The following WWOX variants were observed in gnomAD, a reference collection of about 807,000 sequenced individuals.
The protein encoded by WWOX is WW domain-containing oxidoreductase.
A neutral mutation model predicts 46.2 loss-of-function variants in WWOX; 69 were observed. That is an observed-to-expected ratio of 1.49 (90% CI 1.23 to 1.82). WWOX has a LOEUF of 1.82. WWOX is among the 40% of genes most tolerant of loss of function. The pLI is 0.00. For synonymous variants in WWOX, 359 were observed against 202.6 expected, an observed-to-expected ratio of 1.77 and a Z score of -6.56; for missense variants, 919 against 542.6, an observed-to-expected ratio of 1.69 and a Z score of -6.89.
At chr16:79,075,091 C>T (rs1041688891) in intron 8 of WWOX, among the ~76,000 whole-genome samples, 6 of 152,084 alleles carry the variant, frequency 3.9e-5, no homozygotes, top group Non-Finnish European at 8.8e-5. Context: ...GTTTGGAATT[C>T]ACTACAACAC....
chr16:78,510,411 G>C lies in WWOX; in HGVS notation c.1056+77659G>C, dbSNP rs898066727. On this transcript the variant is annotated intron_variant, in intron 8 of 8. Transcript: ENST00000566780. ...AGTAGAGATGGAGTTTCACCCTTTTGATTGGTTGGCCAGTATGGTCTCAAA... is the reference window on the plus strand; with the variant it reads ...AGTAGAGATGGAGTTTCACCCTTTTCATTGGTTGGCCAGTATGGTCTCAAA... Among the ~76,000 whole-genome samples the C allele has an allele frequency of 1.8e-4, 27 of 152,170 alleles. No homozygotes were observed. In the East Asian group the frequency reaches 2.1e-3, roughly 12 times the overall value.
chr16:79,040,474 C>G (rs2047949930), intron 8 of WWOX, among the ~76,000 whole-genome samples: 1 of 152,008 alleles, frequency 6.6e-6, no homozygotes, highest in African/African-American at 2.4e-5. Context: ...CAAGCCTTCA[C>G]TATGTTGCCC....
At chr16:78,614,833 G>C (rs559823178) in intron 8 of WWOX, among the ~76,000 whole-genome samples, 7 of 152,192 alleles carry the variant, frequency 4.6e-5, no homozygotes, top group Non-Finnish European at 1.0e-4. Flanking sequence ...TGTGCAGAAC[G>C]TGCAGGCTTG....
At chr16:78,326,976 G>T (rs1165291086) in intron 5 of WWOX, among the ~76,000 whole-genome samples, 1 of 152,090 alleles carries the variant, frequency 6.6e-6, no homozygotes, top group East Asian at 1.9e-4. Context: ...TTTTTCTGAA[G>T]TTCCCCAGAG....
At chr16:78,563,789 C>T (rs747689822) in intron 8 of WWOX, among the ~76,000 whole-genome samples, 2 of 152,114 alleles carry the variant, frequency 1.3e-5, no homozygotes, top group African/African-American at 2.4e-5. Flanking sequence ...GTAAAAATGG[C>T]CACCAATTCT....
intron 8 of WWOX, among the ~76,000 whole-genome samples, chr16:78,904,425 G>C (rs933646575): frequency 9.9e-5 from 15 of 151,892 alleles, no homozygotes; most frequent in African/African-American, 3.6e-4. Flanking sequence ...TTTTAGTAGA[G>C]ATGGGGTTTC....
At chr16:78,614,556 A>T (rs2045976359) in intron 8 of WWOX, among the ~76,000 whole-genome samples, 1 of 152,044 alleles carries the variant, frequency 6.6e-6, no homozygotes, top group Non-Finnish European at 1.5e-5. Context: ...CAGATTGAAC[A>T]CCTGTTGATG....
At chr16:78,983,047 G>C (rs1374367909) in intron 8 of WWOX, among the ~76,000 whole-genome samples, 2 of 152,076 alleles carry the variant, frequency 1.3e-5, no homozygotes, top group African/African-American at 4.8e-5. Flanking sequence ...ATTTATTGTG[G>C]GTCTCCTGTA....
intron 8 of WWOX, among the ~76,000 whole-genome samples, chr16:78,802,570 A>G: frequency 6.6e-6 from 1 of 152,054 alleles, no homozygotes; most frequent in Non-Finnish European, 1.5e-5. Context: ...TTTGTCCTTA[A>G]CAACTAATTA....
intron 8 of WWOX, among the ~76,000 whole-genome samples, chr16:78,807,905 T>G (rs1344248604): frequency 6.6e-6 from 1 of 152,258 alleles, no homozygotes; most frequent in African/African-American, 2.4e-5. Flanking sequence ...TACATGTACC[T>G]AACACATTGG....
intron 6 of WWOX, among the ~76,000 whole-genome samples, chr16:78,422,224 C>T (rs1000774865): frequency 1.3e-5 from 2 of 152,020 alleles, no homozygotes; most frequent in African/African-American, 4.8e-5. Context: ...TGCATATATT[C>T]GTCACTTTTG....
intron 5 of WWOX, among the ~76,000 whole-genome samples, chr16:78,292,611 C>T (rs995684386): frequency 6.6e-6 from 1 of 151,588 alleles, no homozygotes; most frequent in African/African-American, 2.4e-5. Context: ...AGATTATGTT[C>T]TATATCTTTT....
intron 8 of WWOX, among the ~76,000 whole-genome samples, chr16:78,747,358 A>T (rs1468351801): frequency 6.6e-6 from 1 of 151,740 alleles, no homozygotes; most frequent in East Asian, 1.9e-4. Context: ...CACCTGTCTA[A>T]TTTCTTATCT....
chr16:78,365,983 CTT>C (rs2081528097), intron 5 of WWOX, among the ~76,000 whole-genome samples: 1 of 152,156 alleles, frequency 6.6e-6, no homozygotes, highest in African/African-American at 2.4e-5. Context: ...CAAGATGGGG[CTT>C]GTGATTTGAA....
At chr16:78,103,247 T>TG (rs1273449258) in intron 1 of WWOX, among the ~76,000 whole-genome samples, 2 of 51,802 alleles carry the variant, frequency 3.9e-5, no homozygotes, top group African/African-American at 8.2e-5. Context: ...CCGCTGTTTT[T>TG]TTTTTTTTTT....
intron 8 of WWOX, chr16:79,077,787 G>C (rs1470566564): frequency 6.6e-6 from 1 of 152,030 alleles, no homozygotes; most frequent in Non-Finnish European, 1.5e-5. Context: ...ATCTTTGAAA[G>C]AAAATTCAAA....
chr16:78,445,313 A>G lies in WWOX; in HGVS notation c.1056+12561A>G, dbSNP rs565215331. ...CTAGAAGAAGGGCGCTCACCTCAGT[A>G]AATTGATGGGTGGGCCACAAAAATC... On this transcript the variant is annotated intron_variant, in intron 8 of 8. Coordinates refer to ENST00000566780, the MANE Select transcript of WWOX (RefSeq NM_016373.4). Among the ~76,000 whole-genome samples the G allele has an allele frequency of 2.6e-5, 4 of 152,358 alleles. No homozygotes were observed. In the East Asian group the frequency reaches 7.7e-4, roughly 29 times the overall value.
intron 4 of WWOX, among the ~76,000 whole-genome samples, chr16:78,136,698 A>G (rs1365628452): frequency 6.6e-6 from 1 of 152,240 alleles, no homozygotes; most frequent in Non-Finnish European, 1.5e-5. Flanking sequence ...TAAGAGGTCT[A>G]TCAAATAACA....
chr16:78,306,293 G>A (rs1409280198), intron 5 of WWOX, among the ~76,000 whole-genome samples: 1 of 152,106 alleles, frequency 6.6e-6, no homozygotes, highest in Non-Finnish European at 1.5e-5. Context: ...TACAGTATAC[G>A]ATTCTAGAAG....
Sources: allele counts gnomAD v4.1 joint callset (sites outside exome capture counted in the v4.1 genomes callset), GRCh38; gene constraint gnomAD v4.1.1; transcripts MANE v1.5; gene names NCBI Gene and HGNC (gene_info 2026-07-23, HGNC 2026-07-21).